RUBCNL: variants seen among roughly 807,000 people sequenced by gnomAD.
RUBCNL encodes protein associated with UVRAG as autophagy enhancer.
A neutral mutation model predicts 69.5 loss-of-function variants in RUBCNL; 62 were observed. The ratio of observed to expected loss-of-function variants is 0.89; its 90% CI spans 0.73 to 1.10. The LOEUF (loss-of-function observed/expected upper bound fraction) is 1.10, where lower values mean the gene tolerates loss of function less well. Among genes scored for constraint, RUBCNL ranks in the 50% least tolerant of loss-of-function variants. The probability of loss-of-function intolerance (pLI) is 0.00; values close to 1 mark genes in which losing one functional copy is unlikely to be tolerated. For synonymous variants in RUBCNL, 291 were observed against 303.6 expected (o/e 0.96, Z 0.43); for missense variants, 768 against 798.1 (o/e 0.96, Z 0.45).
intron 5 of RUBCNL, 39 bp from the exon 6 acceptor site, chr13:46,363,252 G>T: frequency 1.7e-6 from 2 of 1,197,574 alleles, no homozygotes; most frequent in Non-Finnish European, 2.3e-6. Flanking sequence ...CCAATAAGAA[G>T]AAAAAGAAAA....
At chr13:46,357,627 CTTTCT>C (rs1291619715) in intron 9 of RUBCNL, among the ~76,000 whole-genome samples, 3 of 135,426 alleles carry the variant, frequency 2.2e-5, no homozygotes, top group South Asian at 2.3e-4. Context: ...GAGGAATTTT[CTTTCT>C]TTTTTTTTTT....
intron 1 of RUBCNL, among the ~76,000 whole-genome samples, chr13:46,379,376 G>A (rs564730987): frequency 5.9e-5 from 9 of 152,280 alleles, no homozygotes; most frequent in Non-Finnish European, 7.4e-5. Context: ...GCAGGCGGCC[G>A]AGGGCACTTT....
At chr13:46,376,157 T>G (rs2048989372) in intron 2 of RUBCNL, among the ~76,000 whole-genome samples, 1 of 152,150 alleles carries the variant, frequency 6.6e-6, no homozygotes, top group South Asian at 2.1e-4. Flanking sequence ...TAACAGTAGG[T>G]TATAAGTAGT....
chr13:46,368,226 T>C lies in RUBCNL; in HGVS notation c.642A>G (p.Ala214=). 2 of 1,613,630 alleles carry C rather than the reference T, an allele frequency of 1.2e-6. No homozygotes were observed. Among genetic ancestry groups the C allele is most frequent in the Non-Finnish European group, 1.7e-6 (2 of 1,179,706 alleles). The change falls in exon 5 of 15, where the codon GCA becomes GCG. Residue 214 remains alanine (A), a synonymous_variant. Coordinates refer to ENST00000429979, the MANE Select transcript of RUBCNL (RefSeq NM_025113.5). ...TCTCCATTGCTGATATAATCATATC[T>C]GCAACATAAAAGTGGGCATTTTCCT... ...VEKENAHFYV[A]DMIISAMEKM...
intron 12 of RUBCNL, among the ~76,000 whole-genome samples, 177 bp from the exon 13 acceptor site, chr13:46,345,777 A>G (rs1254502504): frequency 6.6e-6 from 1 of 152,202 alleles, no homozygotes; most frequent in Admixed American, 6.5e-5. Flanking sequence ...ACATGTTGCA[A>G]GTTTGCTTGG....
At chr13:46,381,963 T>C (rs2138848269) in intron 1 of RUBCNL, among the ~76,000 whole-genome samples, 1 of 152,254 alleles carries the variant, frequency 6.6e-6, no homozygotes, top group South Asian at 2.1e-4. Context: ...CCACCATATC[T>C]GGCCAATTTT....
chr13:46,384,067 G>C (rs1195115813), intron 1 of RUBCNL, among the ~76,000 whole-genome samples: 1 of 152,080 alleles, frequency 6.6e-6, no homozygotes, highest in Non-Finnish European at 1.5e-5. Context: ...CTACCTCCCT[G>C]AGCCCAGATC....
Position 46,337,160 on chromosome 13 carries a change from G to A in RUBCNL, c.*6225C>T, listed in dbSNP as rs1360726824. Among the ~76,000 whole-genome samples, 2 of 151,496 alleles carry A rather than the reference G, an allele frequency of 1.3e-5. No individual in the cohort carries two copies. Among genetic ancestry groups the A allele is most frequent in the South Asian group, 2.1e-4 (1 of 4,786 alleles). ...TTTTTCTTTTTTTGGGGGCAGGGAG[G>A]GGGGACCAAGTCTCACTCTGTTGTC... is the stretch of plus-strand genomic sequence containing the variant. On this transcript the variant is annotated 3_prime_UTR_variant, in exon 15 of 15. Transcript: ENST00000429979.
intron 2 of RUBCNL, among the ~76,000 whole-genome samples, chr13:46,377,638 T>G (rs1384736103): frequency 6.6e-6 from 1 of 152,244 alleles, no homozygotes; most frequent in Non-Finnish European, 1.5e-5. Context: ...TTCCCATACA[T>G]GGACTGACCT....
In RUBCNL at chr13:46,338,860, C is replaced by T. The variant is rs1566533815; in HGVS notation, c.*4525G>A. ...TCACTTCTGAGACCAGCCTGGCCAA[C>T]ATGGCGAAACCCCGTCTCTACCAAA... On this transcript the variant is annotated 3_prime_UTR_variant, in exon 15 of 15. Coordinates refer to ENST00000429979, the MANE Select transcript of RUBCNL (RefSeq NM_025113.5). Among the ~76,000 whole-genome samples, 1 of 152,042 alleles carries T rather than the reference C, an allele frequency of 6.6e-6. No homozygotes were observed. The highest frequency in any genetic ancestry group is 1.5e-5 in the Non-Finnish European group (1 of 68,016).
At chr13:46,352,769 G>C (rs528132493) in intron 10 of RUBCNL, among the ~76,000 whole-genome samples, 2 of 151,704 alleles carry the variant, frequency 1.3e-5, no homozygotes, top group African/African-American at 4.8e-5. Flanking sequence ...GCGCCATTGC[G>C]CTCCAGCCTG....
At chr13:46,371,905 C>T (rs759691327) in intron 3 of RUBCNL, 36 bp downstream of exon 3, 4 of 1,602,726 alleles carry the variant, frequency 2.5e-6, no homozygotes, top group Admixed American at 3.4e-5. Context: ...AGGGTGTGAA[C>T]AGAGAGGAAT....
intron 13 of RUBCNL, 141 bp from the exon 14 acceptor site, chr13:46,344,972 A>G: frequency 3.2e-6 from 2 of 624,300 alleles, no homozygotes; most frequent in Non-Finnish European, 5.6e-6. Context: ...GTTTTGCAGC[A>G]ATGAATGGGT....
At chr13:46,355,038 G>A (rs770436391) in intron 10 of RUBCNL, among the ~76,000 whole-genome samples, 37 of 152,304 alleles carry the variant, frequency 2.4e-4, no homozygotes, top group Non-Finnish European at 5.1e-4. Flanking sequence ...CAATGGTGAT[G>A]CCCGTCAGGC....
intron 13 of RUBCNL, 71 bp from the exon 14 acceptor site, chr13:46,344,902 C>T (rs1566061282): frequency 2.1e-6 from 2 of 952,646 alleles, no homozygotes; most frequent in Non-Finnish European, 3.3e-6. Flanking sequence ...TATTACAGAA[C>T]TTTATAAACA....
At chr13:46,349,844 T>G (rs1420566976) in intron 11 of RUBCNL, among the ~76,000 whole-genome samples, 2 of 144,182 alleles carry the variant, frequency 1.4e-5, no homozygotes, top group Non-Finnish European at 3.0e-5. Context: ...ACCTGACTAA[T>G]TTTTTTTTTT....
rs796419123 is a variant in RUBCNL at position 46,384,837 on chromosome 13, A to G, written c.-239+2297T>C. Among the ~76,000 whole-genome samples the G allele has an allele frequency of 1.1e-4, 17 of 152,306 alleles. 1 individual carries two copies. The highest frequency in any genetic ancestry group is 4.1e-4 in the African/African-American group (17 of 41,568). On this transcript the variant is annotated intron_variant, in intron 1 of 14. Coordinates refer to ENST00000429979, the MANE Select transcript of RUBCNL (RefSeq NM_025113.5). ...TCAGTAGAAACAAAGGATTCATTCA[A>G]TGTAGAATTATTATCATCATTTTAC...
chr13:46,387,233 C>T lies in RUBCNL; in HGVS notation c.-338G>A, dbSNP rs2049270752. On this transcript the variant is annotated 5_prime_UTR_variant, in exon 1 of 15. Coordinates refer to ENST00000429979, the MANE Select transcript of RUBCNL (RefSeq NM_025113.5). ...GCAGCGTTCCGTGGCCACCGCGCTC[C>T]CGGTAACAGCAGAAAGGGGAGGGAG... 1.0e-6 allele frequency: 1 copy of T among 985,316 alleles called. No homozygotes were observed. Among genetic ancestry groups the T allele is most frequent in the Admixed American group, 6.1e-5 (1 of 16,266 alleles). 61.0% of individuals were successfully genotyped at this position (985,316 alleles called of 1,614,324 possible). A position where few individuals can be genotyped will look rare whatever the true frequency, so the allele number is the denominator to read the frequency against.
intron 8 of RUBCNL, among the ~76,000 whole-genome samples, chr13:46,360,860 G>A (rs956514369): frequency 1.3e-5 from 2 of 152,214 alleles, no homozygotes; most frequent in Non-Finnish European, 2.9e-5. Context: ...CCTGCTGGGA[G>A]GCTGGGCCCA....
Sources: gnomAD v4.1 joint callset for allele counts (sites outside exome capture counted in the v4.1 genomes callset) on GRCh38, gnomAD v4.1.1 for gene constraint, MANE v1.5 for transcripts, NCBI Gene and HGNC (gene_info 2026-07-23, HGNC 2026-07-21) for gene names.